The following PROX1 variants were observed in gnomAD, a reference collection of about 807,000 sequenced individuals.
The protein encoded by PROX1 is prospero homeobox 1, also known as prospero homeobox protein 1.
In PROX1, 7 loss-of-function variants were observed where a neutral mutation model predicts 58.8. The observed-to-expected ratio is 0.12, with a 90% CI of 0.07 to 0.22. PROX1 has a LOEUF of 0.22. Among genes scored for constraint, PROX1 ranks in the 10% least tolerant of loss-of-function variants. PROX1 has a pLI of 1.00. For synonymous variants in PROX1, 350 were observed against 358.3 expected (o/e 0.98, Z 0.26); for missense variants, 675 against 927.8 (o/e 0.73, Z 3.54).
At chr1:214,002,186 T>C (rs1247178168) in intron 2 of PROX1, among the ~76,000 whole-genome samples, 1 of 152,142 alleles carries the variant, frequency 6.6e-6, no homozygotes, top group Non-Finnish European at 1.5e-5. Context: ...CACAGCTTAT[T>C]ATTCTCCCAT....
chr1:214,026,631 T>C (rs1664466512), intron 4 of PROX1, among the ~76,000 whole-genome samples: 1 of 152,254 alleles, frequency 6.6e-6, no homozygotes, highest in Non-Finnish European at 1.5e-5. Flanking sequence ...ACATATGTTA[T>C]CAACATCATA....
chr1:214,015,708 G>A (rs1664070717), intron 4 of PROX1, among the ~76,000 whole-genome samples: 1 of 152,124 alleles, frequency 6.6e-6, no homozygotes, highest in Non-Finnish European at 1.5e-5. Context: ...AGCTGCGAAA[G>A]GCAGAATCAT....
In PROX1 at chr1:214,039,800, T is replaced by TACACACAC. The variant is rs34477510; in HGVS notation, c.*3990_*3997dup. On this transcript the variant is annotated 3_prime_UTR_variant, in exon 5 of 5. Coordinates refer to ENST00000366958, the MANE Select transcript of PROX1 (RefSeq NM_001270616.2). ...CCCTTCCCATGCGCACATGTGCGCA[T>TACACACAC]ACACACACACACACACACACACACA... is the stretch of plus-strand genomic sequence containing the variant. 7.4e-5 allele frequency: 10 copies of TACACACAC among 135,008 alleles called. No homozygotes were observed. Among genetic ancestry groups the TACACACAC allele is most frequent in the South Asian group, 5.0e-4 (2 of 3,986 alleles). 8.4% of individuals were successfully genotyped at this position (135,008 alleles called of 1,614,324 possible).
chr1:213,993,147 T>A (rs143718851), intron 1 of PROX1, among the ~76,000 whole-genome samples: 1 of 152,318 alleles, frequency 6.6e-6, no homozygotes, highest in East Asian at 1.9e-4. Flanking sequence ...AAATATTTAA[T>A]GATGAAAAAC....
At chr1:214,013,144 T>A (rs992939145) in intron 4 of PROX1, among the ~76,000 whole-genome samples, 1 of 150,466 alleles carries the variant, frequency 6.6e-6, no homozygotes, top group Non-Finnish European at 1.5e-5. Flanking sequence ...GGGTGGTGTG[T>A]GTGTGTGTGT....
rs937549296 is a variant in PROX1, at chr1:213,993,656, G to T, written c.-67-2813G>T. On this transcript the variant is annotated intron_variant, in intron 1 of 4. Coordinates refer to ENST00000366958, the MANE Select transcript of PROX1 (RefSeq NM_001270616.2). ...TTAATCATGCCTATAGCTTCCATGG[G>T]TTATGGTTCCAGTGTGTGCTACCAC... Among the ~76,000 whole-genome samples the T allele has an allele frequency of 2.0e-5, 3 of 152,244 alleles. No individual in the cohort carries two copies. In the South Asian group the frequency reaches 6.2e-4, roughly 32 times the overall value.
At chr1:214,017,415 A>T (rs925435856) in intron 4 of PROX1, among the ~76,000 whole-genome samples, 23 of 152,178 alleles carry the variant, frequency 1.5e-4, no homozygotes, top group African/African-American at 5.3e-4. Context: ...TGACCTTATC[A>T]GTTACTCCAT....
chr1:214,028,603 G>GAAAT (rs1333907475), intron 4 of PROX1, among the ~76,000 whole-genome samples: 2 of 152,248 alleles, frequency 1.3e-5, no homozygotes, highest in East Asian at 3.9e-4. Context: ...AGGAATTAGG[G>GAAAT]CTCCTCTTTA....
chr1:213,998,803 A>G (rs1663385057), intron 2 of PROX1, among the ~76,000 whole-genome samples: 1 of 151,884 alleles, frequency 6.6e-6, no homozygotes, highest in Non-Finnish European at 1.5e-5. Flanking sequence ...GCGCTTTACA[A>G]GTGGGAGGTT....
chr1:214,004,730 T>C (rs1169764297), intron 2 of PROX1, among the ~76,000 whole-genome samples: 1 of 152,156 alleles, frequency 6.6e-6, no homozygotes, highest in Non-Finnish European at 1.5e-5. Flanking sequence ...AGTAGAATAA[T>C]TTGCTTTAAA....
intron 4 of PROX1, among the ~76,000 whole-genome samples, chr1:214,020,267 C>A (rs964181072): frequency 2.0e-5 from 3 of 152,246 alleles, no homozygotes; most frequent in African/African-American, 7.2e-5. Flanking sequence ...CTGTGCATTG[C>A]CACATTTTAC....
At chr1:214,005,552 A>G (rs1663678811) in intron 3 of PROX1, among the ~76,000 whole-genome samples, 2 of 152,190 alleles carry the variant, frequency 1.3e-5, no homozygotes. Flanking sequence ...TCTTTGAAGA[A>G]ATTTCAGCTG....
At chr1:214,011,163 A>C (rs534210799) in intron 3 of PROX1, among the ~76,000 whole-genome samples, 37 of 152,308 alleles carry the variant, frequency 2.4e-4, no homozygotes, top group Non-Finnish European at 5.1e-4. Context: ...CACTTCCAGG[A>C]TTCTATGGCT....
At chr1:213,993,599 A>G (rs1663115398) in intron 1 of PROX1, among the ~76,000 whole-genome samples, 1 of 152,182 alleles carries the variant, frequency 6.6e-6, no homozygotes, top group Admixed American at 6.5e-5. Flanking sequence ...ATGTGATGCT[A>G]ATAAAGTGCT....
At chr1:214,027,198 C>G (rs149468175) in intron 4 of PROX1, among the ~76,000 whole-genome samples, 1 of 152,016 alleles carries the variant, frequency 6.6e-6, no homozygotes, top group African/African-American at 2.4e-5. Flanking sequence ...CTAGCCTTTC[C>G]CTGGGTTTGC....
chr1:214,007,784 A>G (rs971056549), intron 3 of PROX1, among the ~76,000 whole-genome samples: 5 of 152,248 alleles, frequency 3.3e-5, no homozygotes, highest in Non-Finnish European at 5.9e-5. Flanking sequence ...AAAGAAATAG[A>G]TATTTCTTTA....
At chr1:214,012,287 T>G (rs1663937218) in intron 4 of PROX1, among the ~76,000 whole-genome samples, 1 of 152,172 alleles carries the variant, frequency 6.6e-6, no homozygotes, top group South Asian at 2.1e-4. Flanking sequence ...CTGTTTTTGT[T>G]CTTTTTGGAG....
chr1:213,985,320 C>G (rs1471766106), upstream of PROX1: 1 of 152,286 alleles, frequency 6.6e-6, no homozygotes, highest in Non-Finnish European at 1.5e-5. Context: ...TTGTCCAGGG[C>G]AGCCCGAGAC....
intron 1 of PROX1, among the ~76,000 whole-genome samples, chr1:213,989,265 CCT>C (rs1335512706): frequency 1.3e-5 from 2 of 151,788 alleles, no homozygotes; most frequent in African/African-American, 4.8e-5. Flanking sequence ...GCGCGGCGCC[CCT>C]CTTCCGAGCT....
Sources: gnomAD v4.1 joint callset for allele counts (sites outside exome capture counted in the v4.1 genomes callset) on GRCh38, gnomAD v4.1.1 for gene constraint, MANE v1.5 for transcripts, NCBI Gene and HGNC (gene_info 2026-07-23, HGNC 2026-07-21) for gene names.